LPP: variants seen among roughly 807,000 people sequenced by gnomAD.
LPP encodes lipoma-preferred partner.
In LPP, 38 loss-of-function variants were observed where a neutral mutation model predicts 60.4. That is an observed-to-expected ratio of 0.63 (90% confidence interval 0.49 to 0.83). The LOEUF is 0.83. LPP is among the 40% of genes least tolerant of loss of function. The pLI, the probability that LPP is intolerant of heterozygous loss-of-function variation, is 0.00. For missense variants in LPP, 902 were observed against 783.6 expected (o/e 1.15, Z -1.80); for synonymous variants, 328 against 290.8 (o/e 1.13, Z -1.30).
chr3:188,487,174 G>A (rs917112500), intron 5 of LPP, among the ~76,000 whole-genome samples: 7 of 151,942 alleles, frequency 4.6e-5, no homozygotes, highest in African/African-American at 1.5e-4. Flanking sequence ...GCTGAGTCCC[G>A]GTTTCCTCTT....
At chr3:188,752,569 C>T (rs1728453501) in intron 8 of LPP, among the ~76,000 whole-genome samples, 1 of 151,962 alleles carries the variant, frequency 6.6e-6, no homozygotes, top group Admixed American at 6.6e-5. Context: ...GCTACTTTTC[C>T]TGAGAGTGGA....
intron 3 of LPP, among the ~76,000 whole-genome samples, chr3:188,405,714 A>C (rs1231122082): frequency 1.3e-5 from 2 of 152,170 alleles, no homozygotes; most frequent in East Asian, 1.9e-4. Flanking sequence ...ATTATTAATA[A>C]AATTCAAGCT....
At chr3:188,539,343 G>A (rs1465701259) in intron 6 of LPP, among the ~76,000 whole-genome samples, 2 of 152,170 alleles carry the variant, frequency 1.3e-5, no homozygotes, top group South Asian at 2.1e-4. Flanking sequence ...CATGGAGGGT[G>A]CTTATTGAAT....
chr3:188,191,185 G>T (rs752587678), intron 1 of LPP, among the ~76,000 whole-genome samples: 4 of 152,202 alleles, frequency 2.6e-5, no homozygotes, highest in Admixed American at 2.6e-4. Flanking sequence ...AGCTGAGATC[G>T]TGCCACTGCA....
intron 7 of LPP, among the ~76,000 whole-genome samples, chr3:188,634,703 A>C (rs530929877): frequency 1.3e-5 from 2 of 152,212 alleles, no homozygotes; most frequent in Admixed American, 6.5e-5. Flanking sequence ...CTAATGCCTG[A>C]TGATCTGTCA....
chr3:188,359,432 A>G (rs189178937), intron 3 of LPP, among the ~76,000 whole-genome samples: 3 of 152,316 alleles, frequency 2.0e-5, no homozygotes, highest in Admixed American at 2.0e-4. Flanking sequence ...AGAACATATT[A>G]GGAGAAAACA....
chr3:188,271,604 A>C (rs930738711), intron 2 of LPP, among the ~76,000 whole-genome samples: 4 of 152,214 alleles, frequency 2.6e-5, no homozygotes, highest in Admixed American at 2.6e-4. Flanking sequence ...CTTTGAGATA[A>C]GGCATGATTT....
Position 188,424,547 on chromosome 3 carries a change from G to C in LPP, c.193+18234G>C, listed in dbSNP as rs570889898. Among the ~76,000 whole-genome samples the C allele has an allele frequency of 5.3e-5, 8 of 152,252 alleles. No homozygotes were observed. The South Asian group carries it at 1.5e-3, about 28-fold the overall frequency. On this transcript the variant is annotated intron_variant, in intron 4 of 11. Transcript: ENST00000617246. ...TTGAATCTGTAAATTACTTTGGGCA[G>C]TATGGCCATTTTCATGATATTGATT...
chr3:188,848,329 G>T (rs1291300831), intron 9 of LPP, among the ~76,000 whole-genome samples: 1 of 152,164 alleles, frequency 6.6e-6, no homozygotes, highest in Non-Finnish European at 1.5e-5. Context: ...GCAATTGCTT[G>T]AGAACTGTTT....
At chr3:188,233,466 C>A (rs1219268988) in intron 2 of LPP, among the ~76,000 whole-genome samples, 1 of 152,164 alleles carries the variant, frequency 6.6e-6, no homozygotes, top group Non-Finnish European at 1.5e-5. Context: ...TGGTTCAATG[C>A]CAACTGGTTT....
At position 188,462,544 on chromosome 3, in the gene LPP, TTATATATATATATATATATATATATA is replaced by T. The variant is rs71167102; in HGVS notation, c.194-22032_194-22007del. 3.5e-4 allele frequency among the ~76,000 whole-genome samples: 12 copies of T among 34,188 alleles called. 1 individual carries two copies. Among genetic ancestry groups the T allele is most frequent in the Admixed American group, 2.1e-3 (5 of 2,410 alleles). 22.4% of individuals were successfully genotyped at this position (34,188 alleles called of 152,430 possible). ...TAAATTTAGCCAATTTATATGAGCTTTATATATATATATATATATATATATATATATATATATATATGCATGTGTGT... is the reference window on the plus strand; with the variant it reads ...TAAATTTAGCCAATTTATATGAGCTTTATATATATATATATGCATGTGTGT... On this transcript the variant is annotated intron_variant, in intron 4 of 11. Transcript: ENST00000617246.
intron 4 of LPP, among the ~76,000 whole-genome samples, chr3:188,481,925 G>T (rs902870065): frequency 2.3e-4 from 35 of 152,140 alleles, no homozygotes; most frequent in African/African-American, 8.0e-4. Flanking sequence ...TAGTAATATG[G>T]TTTAGCTCTG....
At chr3:188,180,861 A>G (rs568328724) in intron 1 of LPP, 1 of 146,880 alleles carries the variant, frequency 6.8e-6, no homozygotes. Flanking sequence ...AATATACCAT[A>G]ATTCTAATTT....
intron 8 of LPP, among the ~76,000 whole-genome samples, chr3:188,715,100 G>A (rs1713276680): frequency 6.6e-6 from 1 of 151,926 alleles, no homozygotes; most frequent in African/African-American, 2.4e-5. Flanking sequence ...TACTTAAAAA[G>A]AACAAGGGGT....
At position 188,220,428 on chromosome 3, in the gene LPP, C is replaced by T. The variant is rs1332247584; in HGVS notation, c.-189-4977C>T. On this transcript the variant is annotated intron_variant, in intron 1 of 11. Transcript: ENST00000617246. ...GGGAGGGCATTGCATCTTTGAAGGC[C>T]TTGACATATGGATACTGCTACAAAG... 2.6e-5 allele frequency among the ~76,000 whole-genome samples: 4 copies of T among 152,246 alleles called. No individual in the cohort carries two copies. In the East Asian group the frequency reaches 7.7e-4, roughly 29 times the overall value.
At chr3:188,306,973 T>C (rs1323814291) in intron 2 of LPP, among the ~76,000 whole-genome samples, 2 of 152,232 alleles carry the variant, frequency 1.3e-5, no homozygotes, top group African/African-American at 4.8e-5. Flanking sequence ...AGAACCCGTC[T>C]AAGGACCAGA....
intron 3 of LPP, among the ~76,000 whole-genome samples, chr3:188,380,569 G>A (rs961552657): frequency 6.6e-6 from 1 of 152,216 alleles, no homozygotes; most frequent in Non-Finnish European, 1.5e-5. Flanking sequence ...TGCATCTCTT[G>A]TAGCCAAGAG....
At chr3:188,535,339 T>C (rs1823282293) in intron 6 of LPP, among the ~76,000 whole-genome samples, 1 of 152,186 alleles carries the variant, frequency 6.6e-6, no homozygotes, top group South Asian at 2.1e-4. Flanking sequence ...TGACTTCGGT[T>C]TGCATAACAA....
At chr3:188,704,064 G>A (rs149262884) in intron 7 of LPP, among the ~76,000 whole-genome samples, 468 of 152,120 alleles carry the variant, frequency 3.1e-3, no homozygotes, top group Middle Eastern at 6.8e-3. Flanking sequence ...TATTATTAGA[G>A]GTAATATTTT....
Sources: gnomAD v4.1 joint callset for allele counts (sites outside exome capture counted in the v4.1 genomes callset) on GRCh38, gnomAD v4.1.1 for gene constraint, MANE v1.5 for transcripts, NCBI Gene and HGNC (gene_info 2026-07-23, HGNC 2026-07-21) for gene names.